The following NAT1 variants were observed in gnomAD, a reference collection of about 807,000 sequenced individuals.
The protein encoded by NAT1 is N-acetyltransferase 1, also known as arylamine N-acetyltransferase 1.
For missense variants in NAT1, 400 were observed against 339.2 expected, an observed-to-expected ratio of 1.18 and a Z score of -1.41; for synonymous variants, 144 against 122.6, an observed-to-expected ratio of 1.17 and a Z score of -1.16.
chr8:18,172,107 T>G (rs1214763559), intron 2 of NAT1, among the ~76,000 whole-genome samples: 1 of 152,192 alleles, frequency 6.6e-6, no homozygotes, highest in Non-Finnish European at 1.5e-5. Flanking sequence ...AAACTGCCCT[T>G]GTGTGAGTGT....
intron 2 of NAT1, among the ~76,000 whole-genome samples, chr8:18,197,075 A>G (rs28383681): frequency 0.013 from 1,912 of 152,224 alleles, 16 homozygotes; most frequent in South Asian, 0.034. Context: ...CTTTCACCCG[A>G]TGGTTTTAAA....
At chr8:18,177,468 C>T (rs557153626) in intron 2 of NAT1, among the ~76,000 whole-genome samples, 1 of 152,078 alleles carries the variant, frequency 6.6e-6, no homozygotes, top group South Asian at 2.1e-4. Context: ...GGGAAAATTG[C>T]TTTATTTTTA....
At chr8:18,187,263 A>C (rs577829099) in intron 2 of NAT1, among the ~76,000 whole-genome samples, 12 of 152,336 alleles carry the variant, frequency 7.9e-5, no homozygotes, top group African/African-American at 2.9e-4. Context: ...AGTGTAAATC[A>C]GTTCAGCCAC....
chr8:18,208,756 C>G (rs1338458920), upstream of NAT1, among the ~76,000 whole-genome samples: 1 of 152,168 alleles, frequency 6.6e-6, no homozygotes, highest in East Asian at 1.9e-4. Flanking sequence ...GCAGAGCCTC[C>G]AAGGCCCTTG....
chr8:18,208,073 C>A (rs1309094599), upstream of NAT1, among the ~76,000 whole-genome samples: 1 of 148,740 alleles, frequency 6.7e-6, no homozygotes, highest in African/African-American at 2.5e-5. Context: ...AATGAGAAGA[C>A]ATGGACATAG....
intron 2 of NAT1, among the ~76,000 whole-genome samples, chr8:18,190,997 C>T (rs2117256470): frequency 1.3e-5 from 2 of 151,184 alleles, no homozygotes; most frequent in South Asian, 4.2e-4. Context: ...AACCAGGAGG[C>T]AGAGTCTGCA....
chr8:18,194,240 G>A (rs1803140220), intron 2 of NAT1, among the ~76,000 whole-genome samples: 1 of 152,168 alleles, frequency 6.6e-6, no homozygotes, highest in Non-Finnish European at 1.5e-5. Flanking sequence ...AGTAGTGCAC[G>A]GAGCTGCACT....
At chr8:18,206,951 C>A (rs1803751042), upstream of NAT1, among the ~76,000 whole-genome samples, 1 of 152,154 alleles carries the variant, frequency 6.6e-6, no homozygotes, top group Admixed American at 6.5e-5. Context: ...TTGCCCATGT[C>A]TATTTCCTGA....
chr8:18,202,638 G>C (rs1470531942), intron 2 of NAT1, among the ~76,000 whole-genome samples: 1 of 152,176 alleles, frequency 6.6e-6, no homozygotes, highest in African/African-American at 2.4e-5. Flanking sequence ...GAGCGTTACA[G>C]CTATTAAAGG....
chr8:18,180,425 A>T (rs1054858402), intron 2 of NAT1, among the ~76,000 whole-genome samples: 1 of 151,724 alleles, frequency 6.6e-6, no homozygotes, highest in African/African-American at 2.4e-5. Context: ...GAAACAAAGA[A>T]ACAAAGATCT....
chr8:18,191,588 A>G (rs1005197689), intron 2 of NAT1, among the ~76,000 whole-genome samples: 5 of 151,994 alleles, frequency 3.3e-5, no homozygotes, highest in Non-Finnish European at 5.9e-5. Context: ...CTGACTTCAA[A>G]CTATACTACA....
At chr8:18,193,333 G>C (rs1233519122) in intron 2 of NAT1, among the ~76,000 whole-genome samples, 8 of 149,736 alleles carry the variant, frequency 5.3e-5, no homozygotes, top group Admixed American at 4.7e-4. Context: ...CTCACACCTC[G>C]ACCTCCTGTA....
chr8:18,196,825 T>C (rs1410958978), intron 2 of NAT1, among the ~76,000 whole-genome samples: 1 of 152,184 alleles, frequency 6.6e-6, no homozygotes, highest in Non-Finnish European at 1.5e-5. Context: ...GAAAAATCAA[T>C]AATAATAAAA....
In NAT1 at chr8:18,177,419, A is replaced by G. The variant is rs911453159; in HGVS notation, n.92+6680A>G. On this transcript the variant is annotated intron_variant and non_coding_transcript_variant, in intron 2 of 4. Transcript: ENST00000517441. ...AAGTCCTAAAATTTTGTGTTTAAAA[A>G]TTGTAAAATTTACAAACAATTGCTT... is the stretch of plus-strand genomic sequence containing the variant. Among the ~76,000 whole-genome samples, 6 of 152,262 alleles carry G rather than the reference A, an allele frequency of 3.9e-5. No individual in the cohort carries two copies. The East Asian group carries it at 1.2e-3, about 29-fold the overall frequency.
At chr8:18,220,115 T>G (rs1163995860) in intron 2 of NAT1, among the ~76,000 whole-genome samples, 1 of 152,156 alleles carries the variant, frequency 6.6e-6, no homozygotes, top group African/African-American at 2.4e-5. Context: ...CAGAGAGGGG[T>G]TGGCATTGTC....
intron 2 of NAT1, 118 bp from the exon 3 acceptor site, chr8:18,221,924 A>G: frequency 9.1e-7 from 1 of 1,104,452 alleles, no homozygotes; most frequent in Non-Finnish European, 1.3e-6. Context: ...CACTAGAAAT[A>G]ATTATTATAC....
intron 2 of NAT1, among the ~76,000 whole-genome samples, chr8:18,190,792 C>T (rs1334761446): frequency 6.6e-6 from 1 of 152,012 alleles, no homozygotes; most frequent in Non-Finnish European, 1.5e-5. Context: ...CAGGGCCAGG[C>T]ATGGTGACTC....
At chr8:18,213,888 A>G (rs552882607) in intron 1 of NAT1, among the ~76,000 whole-genome samples, 1 of 149,208 alleles carries the variant, frequency 6.7e-6, no homozygotes. Context: ...ATCTCGGCTC[A>G]CTGCAAGCTC....
chr8:18,180,836 G>A (rs553222563), intron 2 of NAT1, among the ~76,000 whole-genome samples: 1 of 151,980 alleles, frequency 6.6e-6, no homozygotes, highest in Admixed American at 6.6e-5. Flanking sequence ...TTTATTTCTG[G>A]ATTCTTTGTT....
Sources: gnomAD v4.1 joint callset for allele counts (sites outside exome capture counted in the v4.1 genomes callset) on GRCh38, gnomAD v4.1.1 for gene constraint, MANE v1.5 for transcripts, NCBI Gene and HGNC (gene_info 2026-07-23, HGNC 2026-07-21) for gene names.